SETDB2: variants seen among roughly 807,000 people sequenced by gnomAD.
The protein encoded by SETDB2 is histone-lysine N-methyltransferase SETDB2.
Under a neutral mutation model 82.5 loss-of-function variants are expected in SETDB2, and 56 were observed. That is an observed-to-expected ratio of 0.68 (90% CI 0.55 to 0.85). The LOEUF is 0.85. Among genes scored for constraint, SETDB2 ranks in the 40% least tolerant of loss-of-function variants. SETDB2 has a pLI of 0.00. For synonymous variants in SETDB2, 272 were observed against 284.9 expected (o/e 0.95, Z 0.46); for missense variants, 677 against 816.4 (o/e 0.83, Z 2.08).
Position 49,467,912 on chromosome 13 carries a change from T to C in SETDB2, c.257T>C (p.Phe86Ser), listed in dbSNP as rs768920321. 6.2e-7 allele frequency: 1 copy of C among 1,611,432 alleles called. No homozygotes were observed. The highest frequency in any genetic ancestry group is 1.1e-5 in the South Asian group (1 of 90,708). Reference protein sequence around the residue: ...QKEQENKSNAFPSTSCENSFP... With the variant: ...QKEQENKSNASPSTSCENSFP... Reference sequence around the variant, plus strand: ...GAACAGGAAAACAAATCCAATGCATTTCCCTCTACATCATGTGAAAACTCC... The same window carrying C: ...GAACAGGAAAACAAATCCAATGCATCTCCCTCTACATCATGTGAAAACTCC... Residue 86 changes from phenylalanine (F) to serine (S), a missense_variant, in exon 5 of 14, where the codon TTT (phenylalanine) becomes TCT (serine). This residue lies in a region of SETDB2 where 243 missense variants were observed against 237.2 expected (regional missense o/e 1.02). Transcript: ENST00000611815.
At chr13:49,467,199 A>C (rs975302086) in intron 4 of SETDB2, among the ~76,000 whole-genome samples, 9 of 152,044 alleles carry the variant, frequency 5.9e-5, no homozygotes, top group Admixed American at 2.0e-4. Flanking sequence ...GGAGTTCGAG[A>C]TCAGCCTGGC....
intron 4 of SETDB2, among the ~76,000 whole-genome samples, chr13:49,467,479 T>C (rs1231781260): frequency 6.6e-6 from 1 of 152,110 alleles, no homozygotes; most frequent in Non-Finnish European, 1.5e-5. Flanking sequence ...TGTAGAGCAA[T>C]AGGAAAACAA....
Position 49,460,086 on chromosome 13 carries a change from AG to A in SETDB2, c.17-20del. ...GTATTTTTCTATTAGCTCTTAGGCTAGTCACTTATTTTTATTTTAGGCGATG... is the reference window on the plus strand; with the variant it reads ...GTATTTTTCTATTAGCTCTTAGGCTATCACTTATTTTTATTTTAGGCGATG... On this transcript the variant is annotated intron_variant, in intron 2 of 13. Transcript: ENST00000611815. The A allele has an allele frequency of 6.2e-7, 1 of 1,604,456 alleles. No individual in the cohort carries two copies. Among genetic ancestry groups the A allele is most frequent in the Non-Finnish European group, 8.5e-7 (1 of 1,176,352 alleles).
At chr13:49,456,242 C>G (rs188865523) in intron 2 of SETDB2, among the ~76,000 whole-genome samples, 1 of 151,966 alleles carries the variant, frequency 6.6e-6, no homozygotes, top group Non-Finnish European at 1.5e-5. Flanking sequence ...GTACTGAGGT[C>G]ATTATTAATG....
At position 49,482,886 on chromosome 13, in the gene SETDB2, T is replaced by C. The variant is rs774535725; in HGVS notation, c.1306T>C (p.Leu436=). 1.2e-6 allele frequency: 2 copies of C among 1,613,620 alleles called. No homozygotes were observed. Among genetic ancestry groups the C allele is most frequent in the South Asian group, 2.2e-5 (2 of 91,020 alleles). The change falls in exon 9 of 14, where the codon TTG becomes CTG. Residue 436 remains leucine (L), a synonymous_variant. Coordinates refer to ENST00000611815, the MANE Select transcript of SETDB2 (RefSeq NM_001160308.3). ...DCEVEVLPLG[L]ETHPRTAKTE... ...TGAAGTTGAAGTTCTCCCATTAGGA[T>C]TGGAAACACATCCTAGAACTGCTAA...
chr13:49,460,019 A>G, intron 2 of SETDB2, 88 bp from the exon 3 acceptor site: 1 of 1,366,012 alleles, frequency 7.3e-7, no homozygotes, highest in East Asian at 2.4e-5. Flanking sequence ...TTGTTTAGAA[A>G]CCAAGTAGAT....
At chr13:49,483,238 T>C (rs1158078953) in intron 9 of SETDB2, among the ~76,000 whole-genome samples, 4 of 152,212 alleles carry the variant, frequency 2.6e-5, no homozygotes, top group African/African-American at 4.8e-5. Context: ...TCTATCATTT[T>C]ATCTGCAAAG....
Position 49,477,015 on chromosome 13 carries a change from A to C in SETDB2, c.845A>C (p.Asp282Ala), listed in dbSNP as rs376227746. The C allele has an allele frequency of 4.4e-6, 7 of 1,607,602 alleles. No individual in the cohort carries two copies. The highest frequency in any genetic ancestry group is 5.9e-6 in the Non-Finnish European group (7 of 1,178,742). Residue 282 changes from aspartate to alanine, a missense_variant, in exon 6 of 14, where the codon GAC becomes GCC. Around this residue, in one of 3 missense-constraint regions of SETDB2, gnomAD observed 420 missense variants for 554.6 expected, o/e 0.76. Coordinates refer to ENST00000611815, the MANE Select transcript of SETDB2 (RefSeq NM_001160308.3). The stretch of plus-strand genomic sequence containing the variant: ...TCCAGCATGTTTACTGATTCCTGTG[A>C]CTGCTCTGAGGGCTGCATAGACATG... The part of the protein sequence containing the change: ...NFSSMFTDSC[D>A]CSEGCIDITK...
intron 5 of SETDB2, among the ~76,000 whole-genome samples, chr13:49,469,495 G>A (rs1171366437): frequency 6.6e-6 from 1 of 152,196 alleles, no homozygotes; most frequent in East Asian, 1.9e-4. Context: ...AGCACCTAGT[G>A]TTGGTTGGCC....
Position 49,493,323 on chromosome 13 carries a change from C to T in SETDB2, c.*1474C>T, listed in dbSNP as rs975984202. ...GATCAGTATGGGAACCATTTTTGTGCAAAAGGGAATATTATGGATCAGCCA... is the reference window on the plus strand; with the variant it reads ...GATCAGTATGGGAACCATTTTTGTGTAAAAGGGAATATTATGGATCAGCCA... On this transcript the variant is annotated 3_prime_UTR_variant, in exon 14 of 14. Transcript: ENST00000611815. The T allele has an allele frequency of 3.3e-5, 5 of 152,186 alleles. No individual in the cohort carries two copies. Among genetic ancestry groups the T allele is most frequent in the Admixed American group, 2.0e-4 (3 of 15,280 alleles). The allele number at this position is 152,186 out of a possible 1,614,324, so 9.4% of individuals were successfully genotyped here.
At position 49,491,725 on chromosome 13, in the gene SETDB2, T is replaced by A. The variant is rs1465004542; in HGVS notation, c.2007-7T>A. On this transcript the variant is annotated splice_polypyrimidine_tract_variant and splice_region_variant and intron_variant, in intron 13 of 13. Transcript: ENST00000611815. ...TTTATGATTCTTTTCAAATTTCTAC[T>A]TTCTAGGTATGTGAAAGCAAGAACA... The A allele has an allele frequency of 6.3e-7, 1 of 1,594,178 alleles. No homozygotes were observed. Among genetic ancestry groups the A allele is most frequent in the African/African-American group, 1.3e-5 (1 of 74,276 alleles).
chr13:49,460,023 A>G (rs1594139139), intron 2 of SETDB2, 84 bp from the exon 3 acceptor site: 1 of 1,387,822 alleles, frequency 7.2e-7, no homozygotes, highest in East Asian at 2.4e-5. Context: ...TTAGAAACCA[A>G]GTAGATTGTT....
At chr13:49,465,211 T>G (rs1240825555) in intron 4 of SETDB2, among the ~76,000 whole-genome samples, 2 of 152,160 alleles carry the variant, frequency 1.3e-5, no homozygotes, top group Non-Finnish European at 1.5e-5. Context: ...ATCAAACCGC[T>G]AATTATGTTT....
At position 49,460,233 on chromosome 13, in the gene SETDB2, G is replaced by T; in HGVS notation, c.142+1G>T. ...AAAGATGGGTCTGCCACCAATAAAG[G>T]TATGAAGCAATAAAAACTTTGAATA... On this transcript the variant is annotated splice_donor_variant, in intron 3 of 13. Coordinates refer to ENST00000611815, the MANE Select transcript of SETDB2 (RefSeq NM_001160308.3). LOFTEE classifies it high-confidence loss of function. 3 of 1,610,718 alleles carry T rather than the reference G, an allele frequency of 1.9e-6. No homozygotes were observed. The highest frequency in any genetic ancestry group is 1.7e-6 in the Non-Finnish European group (2 of 1,179,044).
chr13:49,480,877 G>C, intron 7 of SETDB2, 70 bp from the exon 8 acceptor site: 1 of 1,518,618 alleles, frequency 6.6e-7, no homozygotes, highest in Middle Eastern at 1.7e-4. Flanking sequence ...GTAGTTATCA[G>C]TGTCAGTGAA....
At chr13:49,479,397 T>C (rs1313110600) in intron 6 of SETDB2, among the ~76,000 whole-genome samples, 3 of 152,242 alleles carry the variant, frequency 2.0e-5, no homozygotes, top group African/African-American at 2.4e-5. Context: ...AGAACAATTA[T>C]AGATTTTCAT....
intron 5 of SETDB2, among the ~76,000 whole-genome samples, chr13:49,473,877 A>G (rs1420639960): frequency 6.6e-6 from 1 of 152,220 alleles, no homozygotes; most frequent in Non-Finnish European, 1.5e-5. Flanking sequence ...CCTTATAAGA[A>G]AAAGTGGTAA....
chr13:49,484,822 G>T (rs1269782585), intron 10 of SETDB2, among the ~76,000 whole-genome samples: 1 of 152,152 alleles, frequency 6.6e-6, no homozygotes, highest in Non-Finnish European at 1.5e-5. Context: ...CCCTCTGCCT[G>T]GTAATGGTAC....
intron 12 of SETDB2, 50 bp from the exon 13 acceptor site, chr13:49,490,772 C>T: frequency 7.5e-7 from 1 of 1,331,300 alleles, no homozygotes; most frequent in Non-Finnish European, 1.1e-6. Context: ...AAGCACAAGG[C>T]ATCAGACTTT....
Sources: gnomAD v4.1 joint callset for allele counts (sites outside exome capture counted in the v4.1 genomes callset) on GRCh38, gnomAD v4.1.1 for gene constraint, gnomAD v4.1.1 regional missense constraint, MANE v1.5 for transcripts, NCBI Gene and HGNC (gene_info 2026-07-23, HGNC 2026-07-21) for gene names.